Variants in RNF166 observed in about 807,000 individuals in gnomAD.
RNF166 encodes the protein ring finger protein 166, also known as E3 ubiquitin-protein ligase RNF166.
In RNF166, 19 loss-of-function variants were observed where a neutral mutation model predicts 29.4. The ratio of observed to expected loss-of-function variants is 0.65; its 90% CI spans 0.45 to 0.95. The LOEUF is 0.95. Among genes scored for constraint, RNF166 ranks in the 40% least tolerant of loss-of-function variants. RNF166 has a pLI of 0.00. For synonymous variants in RNF166, 171 were observed against 134.5 expected (o/e 1.27, Z -1.88); for missense variants, 347 against 322.1 (o/e 1.08, Z -0.59).
chr16:88,699,116 G>T, intron 3 of RNF166, 31 bp from the exon 4 acceptor site: 1 of 1,437,970 alleles, frequency 7.0e-7, no homozygotes, highest in Non-Finnish European at 9.7e-7. Context: ...TGAGTGGCAC[G>T]GCTAGGTGTC....
Position 88,697,591 on chromosome 16 carries a change from C to T in RNF166, c.691G>A (p.Ala231Thr), listed in dbSNP as rs1909756136. Reference sequence around the variant, plus strand: ...CTTCAGTTCTCAGAGAGAGACAGGGCCAGAGCAGCCTGGAAGGCGGCCTCC... The same window carrying T: ...CTTCAGTTCTCAGAGAGAGACAGGGTCAGAGCAGCCTGGAAGGCGGCCTCC... ...DEEAAFQAAL[A>T]LSLSEN The change falls in exon 6 of 6, where the codon GCC (alanine) becomes ACC (threonine). Residue 231 changes from alanine to threonine, a missense_variant. Coordinates refer to ENST00000312838, the MANE Select transcript of RNF166 (RefSeq NM_178841.4). 1 of 1,550,980 alleles carries T rather than the reference C, an allele frequency of 6.4e-7. No homozygotes were observed. Among genetic ancestry groups the T allele is most frequent in the African/African-American group, 1.4e-5 (1 of 73,064 alleles).
intron 1 of RNF166, chr16:88,702,852 G>A: frequency 1.0e-6 from 1 of 985,510 alleles, no homozygotes; most frequent in Non-Finnish European, 1.2e-6. Context: ...TTGAGCCGGG[G>A]GGGCCGCCTA....
At chr16:88,699,109 G>A (rs1439603198) in intron 3 of RNF166, 24 bp from the exon 4 acceptor site, 4 of 1,496,424 alleles carry the variant, frequency 2.7e-6, no homozygotes, top group Non-Finnish European at 3.7e-6. Context: ...GGTAGAGTGA[G>A]TGGCACGGCT....
Position 88,697,330 on chromosome 16 carries a change from G to A in RNF166, c.*238C>T, listed in dbSNP as rs530790996. The A allele has an allele frequency of 3.9e-5, 16 of 412,144 alleles. 2 individuals are homozygous for A. Among genetic ancestry groups the A allele is most frequent in the South Asian group, 1.2e-4 (3 of 25,714 alleles). 25.5% of individuals were successfully genotyped at this position (412,144 alleles called of 1,614,324 possible). ...CCCTGCCCAAGTAGGCCGCCTGCTC[G>A]GCCAGAAGCACCGAAGAACCCAGCG... On this transcript the variant is annotated 3_prime_UTR_variant, in exon 6 of 6. Coordinates refer to ENST00000312838, the MANE Select transcript of RNF166 (RefSeq NM_178841.4).
Position 88,696,813 on chromosome 16 carries a change from G to T in RNF166, c.*755C>A. The T allele has an allele frequency of 2.9e-6, 1 of 347,680 alleles. No individual in the cohort carries two copies. The highest frequency in any genetic ancestry group is 5.6e-6 in the Non-Finnish European group (1 of 180,032). 21.5% of individuals were successfully genotyped at this position (347,680 alleles called of 1,614,324 possible). The stretch of plus-strand genomic sequence containing the variant: ...TTCTTCCTGGTCATCAAAGAGAAAC[G>T]TACAAACCTCAAGGACCCAGACACA... On this transcript the variant is annotated 3_prime_UTR_variant, in exon 6 of 6. Coordinates refer to ENST00000312838, the MANE Select transcript of RNF166 (RefSeq NM_178841.4).
chr16:88,706,302 C>T lies in RNF166; in HGVS notation c.24G>A (p.Val8=). 4 of 1,261,318 alleles carry T rather than the reference C, an allele frequency of 3.2e-6. No homozygotes were observed. The highest frequency in any genetic ancestry group is 4.0e-6 in the Non-Finnish European group (4 of 1,002,892). The allele number at this position is 1,261,318 out of a possible 1,614,324, so 78.1% of individuals were successfully genotyped here. The change falls in exon 1 of 6, where the codon GTG becomes GTA. Residue 8 remains valine (V), a synonymous_variant. Coordinates refer to ENST00000312838, the MANE Select transcript of RNF166 (RefSeq NM_178841.4). The part of the protein sequence containing the change: MAMFRSL[V]ASAQQRQPPA... ...GCGGCTGCCGCTGCTGAGCCGAGGC[C>T]ACCAGGCTGCGGAACATAGCCATCC... is the stretch of plus-strand genomic sequence containing the variant.
chr16:88,704,623 T>A, intron 1 of RNF166: 1 of 907,200 alleles, frequency 1.1e-6, no homozygotes, highest in Non-Finnish European at 1.3e-6. Flanking sequence ...AAGGCCTAAG[T>A]CAAGCCTCAC....
In RNF166 at chr16:88,703,499, G is replaced by C. The variant is rs947161326; in HGVS notation, c.156-2081C>G. 163 of 985,436 alleles carry C rather than the reference G, an allele frequency of 1.7e-4. 3 individuals carry two copies. The highest frequency in any genetic ancestry group is 2.5e-4 in the Admixed American group (4 of 16,288). The allele number at this position is 985,436 out of a possible 1,614,324, so 61.0% of individuals were successfully genotyped here. A position where few individuals can be genotyped will look rare whatever the true frequency, so the allele number is the denominator to read the frequency against. The stretch of plus-strand genomic sequence containing the variant: ...CACAAGAGGGAACCCAGCCCGACTG[G>C]CAGGGCGGCTGGGCCCGAGGAGCAG... On this transcript the variant is annotated intron_variant, in intron 1 of 5. Transcript: ENST00000312838.
rs1221506297 is a variant in RNF166, at chr16:88,699,064, G to A, written c.447C>T (p.Thr149=). 1.2e-6 allele frequency: 2 copies of A among 1,609,900 alleles called. No individual in the cohort carries two copies. Among genetic ancestry groups the A allele is most frequent in the Non-Finnish European group, 1.7e-6 (2 of 1,178,490 alleles). The change falls in exon 4 of 6, where the codon ACC becomes ACT. Residue 149 remains threonine (T), a synonymous_variant. Coordinates refer to ENST00000312838, the MANE Select transcript of RNF166 (RefSeq NM_178841.4). The part of the protein sequence containing the change: ...PIPSNIPNRS[T]FACPYCGARN... ...GGGCACCACAGTACGGGCAGGCGAA[G>A]GTGGACCTGTTGGGGATGTTGCTGG... is the stretch of plus-strand genomic sequence containing the variant.
chr16:88,702,626 C>T, intron 1 of RNF166: 1 of 903,416 alleles, frequency 1.1e-6, no homozygotes, highest in Non-Finnish European at 1.3e-6. Flanking sequence ...GCCCTCTTTG[C>T]CACCACTGGA....
At chr16:88,698,278 C>T (rs1157074551) in intron 5 of RNF166, 2 of 698,394 alleles carry the variant, frequency 2.9e-6, no homozygotes, top group Non-Finnish European at 5.2e-6. Context: ...GTCCATGTCC[C>T]CGAGAGGCCT....
At chr16:88,699,184 T>C (rs898835126) in intron 3 of RNF166, 99 bp from the exon 4 acceptor site, 7 of 878,302 alleles carry the variant, frequency 8.0e-6, no homozygotes, top group Non-Finnish European at 1.3e-5. Context: ...GCCTGCCCTC[T>C]GTAGGCTGCA....
chr16:88,702,447 A>G (rs1910344655), intron 1 of RNF166, among the ~76,000 whole-genome samples: 1 of 152,292 alleles, frequency 6.6e-6, no homozygotes, highest in Admixed American at 6.5e-5. Flanking sequence ...GGCTGTGGGC[A>G]GGCCCTGGGT....
At chr16:88,699,826 C>T (rs778960567) in intron 2 of RNF166, 94 bp from the exon 3 acceptor site, 9 of 816,802 alleles carry the variant, frequency 1.1e-5, no homozygotes, top group Non-Finnish European at 1.7e-5. Context: ...GACCAGAGAA[C>T]TGTAAGCAAG....
At position 88,700,311 on chromosome 16, in the gene RNF166, C is replaced by G. The variant is rs372643548; in HGVS notation, c.313-579G>C. Reference sequence around the variant, plus strand: ...AAGGTGCCGGGAGACACAGCCGCATCTGAAGACCCAGATTAGAGAACGGAG... The same window carrying G: ...AAGGTGCCGGGAGACACAGCCGCATGTGAAGACCCAGATTAGAGAACGGAG... On this transcript the variant is annotated intron_variant, in intron 2 of 5. Coordinates refer to ENST00000312838, the MANE Select transcript of RNF166 (RefSeq NM_178841.4). Among the ~76,000 whole-genome samples, 3 of 152,328 alleles carry G rather than the reference C, an allele frequency of 2.0e-5. No individual in the cohort carries two copies. In the East Asian group the frequency reaches 5.8e-4, roughly 29 times the overall value.
intron 1 of RNF166, among the ~76,000 whole-genome samples, chr16:88,702,257 A>G (rs564546884): frequency 2.6e-5 from 4 of 152,302 alleles, no homozygotes; most frequent in African/African-American, 7.2e-5. Flanking sequence ...AAGGAGCTTA[A>G]TACTGGGGCA....
Position 88,706,152 on chromosome 16 carries a change from C to T in RNF166, c.155+19G>A, listed in dbSNP as rs1326701956. The T allele has an allele frequency of 8.5e-7, 1 of 1,177,022 alleles. No homozygotes were observed. The highest frequency in any genetic ancestry group is 4.7e-5 in the Admixed American group (1 of 21,308). The allele number at this position is 1,177,022 out of a possible 1,614,324, so 72.9% of individuals were successfully genotyped here. Reference sequence around the variant, plus strand: ...GGGGCACGGCCCCCTCCCCGCGGCCCCTGGGCGGGCGCGCTCACGTGTGGC... The same window carrying T: ...GGGGCACGGCCCCCTCCCCGCGGCCTCTGGGCGGGCGCGCTCACGTGTGGC... On this transcript the variant is annotated intron_variant, in intron 1 of 5. Coordinates refer to ENST00000312838, the MANE Select transcript of RNF166 (RefSeq NM_178841.4).
intron 1 of RNF166, chr16:88,704,601 C>T (rs1910580154): frequency 1.0e-6 from 1 of 982,636 alleles, no homozygotes; most frequent in East Asian, 1.1e-4. Flanking sequence ...CTACGGGAGG[C>T]TTTTCTAAAA....
chr16:88,702,095 C>T (rs1338001797), intron 1 of RNF166, among the ~76,000 whole-genome samples: 2 of 152,042 alleles, frequency 1.3e-5, no homozygotes, highest in East Asian at 3.9e-4. Flanking sequence ...GACTGAGCGT[C>T]CCACAGCCCC....
Sources: gnomAD v4.1 joint callset for allele counts (sites outside exome capture counted in the v4.1 genomes callset) on GRCh38, gnomAD v4.1.1 for gene constraint, MANE v1.5 for transcripts, NCBI Gene and HGNC (gene_info 2026-07-23, HGNC 2026-07-21) for gene names.